The following SSBP3 variants were observed in gnomAD, a reference collection of about 807,000 sequenced individuals.
SSBP3 encodes the protein single-stranded DNA-binding protein 3.
Under a neutral mutation model 69.6 loss-of-function variants are expected in SSBP3, and 5 were observed. That is an observed-to-expected ratio of 0.07 (90% CI 0.04 to 0.15). The LOEUF (loss-of-function observed/expected upper bound fraction) is 0.15, where lower values mean the gene tolerates loss of function less well. Ranked by LOEUF, SSBP3 falls within the 10% of genes least tolerant of loss-of-function variation. The pLI is 1.00. For missense variants in SSBP3, 312 were observed against 534.0 expected (o/e 0.58, Z 4.10); for synonymous variants, 196 against 193.4 (o/e 1.01, Z -0.11).
At chr1:54,314,659 T>G (rs1467505700) in intron 4 of SSBP3, among the ~76,000 whole-genome samples, 1 of 152,216 alleles carries the variant, frequency 6.6e-6, no homozygotes, top group Non-Finnish European at 1.5e-5. Context: ...TTTCCTTAGA[T>G]CCTGCCTAAA....
intron 4 of SSBP3, among the ~76,000 whole-genome samples, chr1:54,381,413 A>G (rs1454200396): frequency 1.4e-5 from 2 of 147,094 alleles, no homozygotes; most frequent in African/African-American, 5.0e-5. Flanking sequence ...AAAAAGAGAG[A>G]GAGAGCATGT....
chr1:54,334,065 T>C (rs1646465948), intron 4 of SSBP3, among the ~76,000 whole-genome samples: 2 of 149,072 alleles, frequency 1.3e-5, no homozygotes, highest in African/African-American at 5.0e-5. Context: ...CAAAAATAAA[T>C]AAAATAGGCC....
At chr1:54,403,914 T>C (rs193160369) in intron 3 of SSBP3, among the ~76,000 whole-genome samples, 17 of 150,970 alleles carry the variant, frequency 1.1e-4, no homozygotes, top group African/African-American at 3.9e-4. Flanking sequence ...CACAGAGGCC[T>C]GGTTAGAGAG....
chr1:54,383,049 G>GA (rs1647796935), intron 4 of SSBP3, among the ~76,000 whole-genome samples: 1 of 147,088 alleles, frequency 6.8e-6, no homozygotes, highest in Non-Finnish European at 1.5e-5. Flanking sequence ...AGAAAGAGAA[G>GA]GAAGGAAGGA....
At chr1:54,275,531 C>T (rs1645269066) in intron 5 of SSBP3, among the ~76,000 whole-genome samples, 1 of 152,216 alleles carries the variant, frequency 6.6e-6, no homozygotes. Context: ...TTGGGAACTG[C>T]CCCAGTTGCT....
At chr1:54,240,075 TGTGTGTGTGTGTGCGC>T (rs1234690614) in intron 13 of SSBP3, among the ~76,000 whole-genome samples, 396 of 26,696 alleles carry the variant, frequency 0.015, 8 homozygotes, top group African/African-American at 0.075. Context: ...TGTGTGTGTG[TGTGTGTGTGTGTGCGC>T]GCGCGCGCGT....
At chr1:54,406,814 C>T (rs1649811116), upstream of SSBP3, among the ~76,000 whole-genome samples, 1 of 151,360 alleles carries the variant, frequency 6.6e-6, no homozygotes, top group Non-Finnish European at 1.5e-5. Context: ...CTCCCTCCCG[C>T]CCCGTCCCTC....
At chr1:54,237,300 C>G (rs1421904186) in intron 14 of SSBP3, 1 of 152,186 alleles carries the variant, frequency 6.6e-6, no homozygotes, top group African/African-American at 2.4e-5. Context: ...TTTGTAACCT[C>G]CGAATCAGGA....
chr1:54,325,522 A>C (rs1037697688), intron 4 of SSBP3: 1 of 167,038 alleles, frequency 6.0e-6, no homozygotes, highest in Non-Finnish European at 1.5e-5. Flanking sequence ...AATACATCCA[A>C]TCACAATCAG....
At chr1:54,230,924 G>A (rs1644369594) in intron 14 of SSBP3, among the ~76,000 whole-genome samples, 1 of 152,192 alleles carries the variant, frequency 6.6e-6, no homozygotes, top group African/African-American at 2.4e-5. Context: ...CAGAAGGAAC[G>A]TTCAGGTTAT....
intron 4 of SSBP3, among the ~76,000 whole-genome samples, chr1:54,352,132 C>T (rs150411866): frequency 6.6e-6 from 1 of 152,026 alleles, no homozygotes; most frequent in African/African-American, 2.4e-5. Flanking sequence ...CCTATCTCTA[C>T]AAAACAAACA....
chr1:54,236,783 G>C (rs1644502690), intron 14 of SSBP3: 1 of 152,224 alleles, frequency 6.6e-6, no homozygotes, highest in Non-Finnish European at 1.5e-5. Context: ...ATCTCATTAA[G>C]TGCTTTGGCA....
rs1002680033 is a variant in SSBP3, at chr1:54,277,524, T to TGG, written c.366+3912_366+3913dup. Among the ~76,000 whole-genome samples the TGG allele has an allele frequency of 6.4e-4, 97 of 152,326 alleles. 1 individual carries two copies. Among genetic ancestry groups the TGG allele is most frequent in the African/African-American group, 2.1e-3 (89 of 41,576 alleles). ...GGGTTTAGACTCTGATTACAGCCCC[T>TGG]GGTTAACTTGGGGCAAGTCATTCAC... On this transcript the variant is annotated intron_variant, in intron 5 of 17. Transcript: ENST00000610401.
chr1:54,339,426 C>A (rs569220368), intron 4 of SSBP3, among the ~76,000 whole-genome samples: 1 of 152,218 alleles, frequency 6.6e-6, no homozygotes, highest in Non-Finnish European at 1.5e-5. Flanking sequence ...CTGTCTGCAA[C>A]ATTTTAGCTA....
At chr1:54,273,336 G>GTGCA (rs1389067527) in intron 5 of SSBP3, among the ~76,000 whole-genome samples, 1 of 152,188 alleles carries the variant, frequency 6.6e-6, no homozygotes, top group African/African-American at 2.4e-5. Flanking sequence ...ACAGGCATGC[G>GTGCA]TGCACACAGG....
intron 4 of SSBP3, among the ~76,000 whole-genome samples, chr1:54,294,060 A>C (rs747554648): frequency 2.0e-5 from 3 of 148,418 alleles, no homozygotes; most frequent in African/African-American, 5.0e-5. Flanking sequence ...GAATCCCTTG[A>C]ACCCAGGAGG....
At chr1:54,383,889 G>A (rs949441735) in intron 4 of SSBP3, among the ~76,000 whole-genome samples, 19 of 152,002 alleles carry the variant, frequency 1.2e-4, no homozygotes, top group African/African-American at 4.4e-4. Flanking sequence ...GGCGGATCAC[G>A]AGGTCAGGAG....
At chr1:54,396,191 C>CAG (rs1420161739) in intron 4 of SSBP3, among the ~76,000 whole-genome samples, 1 of 43,014 alleles carries the variant, frequency 2.3e-5, no homozygotes, top group Non-Finnish European at 3.5e-5. Flanking sequence ...GACTCCATCT[C>CAG]AGAAAAAAAA....
intron 4 of SSBP3, among the ~76,000 whole-genome samples, chr1:54,295,438 A>C (rs551311635): frequency 6.6e-6 from 1 of 152,272 alleles, no homozygotes; most frequent in East Asian, 1.9e-4. Flanking sequence ...CAATACTAGA[A>C]GTTACCAGTT....
Sources: gnomAD v4.1 joint callset for allele counts (sites outside exome capture counted in the v4.1 genomes callset) on GRCh38, gnomAD v4.1.1 for gene constraint, MANE v1.5 for transcripts, NCBI Gene and HGNC (gene_info 2026-07-23, HGNC 2026-07-21) for gene names.